ZSWIM4: variants seen among roughly 807,000 people sequenced by gnomAD.
ZSWIM4 encodes the protein zinc finger SWIM domain-containing protein 4.
In ZSWIM4, 62 loss-of-function variants were observed where a neutral mutation model predicts 102.5. That is an observed-to-expected ratio of 0.60 (90% CI 0.49 to 0.75). The LOEUF (loss-of-function observed/expected upper bound fraction) is 0.75, where lower values mean the gene tolerates loss of function less well. Among genes scored for constraint, ZSWIM4 ranks in the 30% least tolerant of loss-of-function variants. The pLI is 0.00. For missense variants in ZSWIM4, 1,280 were observed against 1,529.6 expected (o/e 0.84, Z 2.72); for synonymous variants, 652 against 674.5 (o/e 0.97, Z 0.52).
At chr19:13,813,517 G>C (rs967159835) in intron 6 of ZSWIM4, among the ~76,000 whole-genome samples, 36 of 151,912 alleles carry the variant, frequency 2.4e-4, no homozygotes, top group African/African-American at 8.5e-4. Flanking sequence ...ATTGAGGAGA[G>C]AGAAACAAGT....
Position 13,825,848 on chromosome 19 carries a change from C to G in ZSWIM4, c.2379+135C>G. On this transcript the variant is annotated intron_variant, in intron 12 of 13. Transcript: ENST00000590508. This position sits in a 1 kb window ranked among gnomAD's most constrained non-coding sequence, Gnocchi z 4.6. The stretch of plus-strand genomic sequence containing the variant: ...CCCGGCATTTGCGTGAGCTATTCCT[C>G]TGTGGCTGGGGACTGAGCGAGAACC... The G allele has an allele frequency of 8.1e-7, 1 of 1,240,262 alleles. No homozygotes were observed. Among genetic ancestry groups the G allele is most frequent in the South Asian group, 1.5e-5 (1 of 65,684 alleles). The allele number at this position is 1,240,262 out of a possible 1,614,324, so 76.8% of individuals were successfully genotyped here.
intron 11 of ZSWIM4, among the ~76,000 whole-genome samples, chr19:13,824,111 A>G (rs1975541951): frequency 6.6e-6 from 1 of 151,580 alleles, no homozygotes; most frequent in African/African-American, 2.4e-5. Flanking sequence ...GGATAGAGAG[A>G]GAGGGAGAGA....
At position 13,814,610 on chromosome 19, in the gene ZSWIM4, T is replaced by C. The variant is rs2145322278; in HGVS notation, c.1276T>C (p.Tyr426His). The part of the protein sequence containing the change: ...LAGELHWNDA[Y>H]LQRILASDSY... ...TGGAGAGCTACACTGGAATGACGCC[T>C]ACCTGCAGAGGATCCTGGCCAGTGA... Residue 426 changes from tyrosine (Y) to histidine (H), a missense_variant, in exon 7 of 14, where the codon TAC (tyrosine) becomes CAC (histidine). Tyr to His is a moderately conservative substitution (Grantham distance 83, BLOSUM62 2). Transcript: ENST00000590508. 8.0e-7 allele frequency: 1 copy of C among 1,242,484 alleles called. No individual in the cohort carries two copies. Among genetic ancestry groups the C allele is most frequent in the Admixed American group, 2.5e-5 (1 of 40,320 alleles). 77.0% of individuals were successfully genotyped at this position (1,242,484 alleles called of 1,614,324 possible).
At chr19:13,808,787 A>T (rs761285983) in intron 3 of ZSWIM4, 49 bp from the exon 4 acceptor site, 83 of 1,506,842 alleles carry the variant, frequency 5.5e-5, no homozygotes, top group Non-Finnish European at 7.0e-5. Flanking sequence ...ACCCAACCCA[A>T]CCCCAACTCC....
chr19:13,807,570 A>AGATGGATGGATGGATGGATGGATG (rs56365536), intron 3 of ZSWIM4, among the ~76,000 whole-genome samples: 1 of 141,034 alleles, frequency 7.1e-6, no homozygotes, highest in Non-Finnish European at 1.5e-5. Flanking sequence ...GTTTTGGGCA[A>AGATGGATGGATGGATGGATGGATG]GATGGATGGA....
chr19:13,796,079 C>T (rs1239054260), intron 1 of ZSWIM4, among the ~76,000 whole-genome samples: 4 of 151,462 alleles, frequency 2.6e-5, no homozygotes, highest in Non-Finnish European at 4.4e-5. Context: ...CTCCTACCAA[C>T]CCCAGATCTC....
rs199644245 is a variant in ZSWIM4, at chr19:13,805,073, A to C, written c.637A>C (p.Thr213Pro). Residue 213 changes from threonine to proline, a missense_variant, in exon 3 of 14, where the codon ACT becomes CCT. Thr to Pro is a conservative substitution (Grantham distance 38). Transcript: ENST00000590508. Reference sequence around the variant, plus strand: ...GCAGTACCTCATCAGCGCCCATCACACTGAGGTGCTGCCCACTGCTCAGCG... The same window carrying C: ...GCAGTACCTCATCAGCGCCCATCACCCTGAGGTGCTGCCCACTGCTCAGCG... ...FVQYLISAHH[T>P]EVLPTAQRLA... 2.5e-5 allele frequency: 40 copies of C among 1,607,932 alleles called. No individual in the cohort carries two copies. The Admixed American group carries it at 5.7e-4, about 23-fold the overall frequency.
rs1172573879 is a variant in ZSWIM4 at position 13,815,950 on chromosome 19, TA to T, written c.1531+1098del. Among the ~76,000 whole-genome samples the T allele has an allele frequency of 6.8e-3, 513 of 75,128 alleles. 5 individuals are homozygous for T. The highest frequency in any genetic ancestry group is 0.042 in the Admixed American group (279 of 6,692). The allele number at this position is 75,128 out of a possible 152,430, so 49.3% of individuals were successfully genotyped here. On this transcript the variant is annotated intron_variant, in intron 7 of 13. Coordinates refer to ENST00000590508, the MANE Select transcript of ZSWIM4 (RefSeq NM_001367834.3). ...AGAGCGAGACTCCGTCTCAAAAAAT[TA>T]AAAAAAAAAAAAGAGAGAGAGAGGA...
At chr19:13,802,912 G>A (rs1234293689) in intron 2 of ZSWIM4, among the ~76,000 whole-genome samples, 1 of 152,116 alleles carries the variant, frequency 6.6e-6, no homozygotes, top group Non-Finnish European at 1.5e-5. Context: ...TGAAGGGTGG[G>A]CTCAGACCTC....
At chr19:13,800,065 A>ATTTTTCTTT in intron 2 of ZSWIM4, 144 bp downstream of exon 2, 1 of 383,226 alleles carries the variant, frequency 2.6e-6, no homozygotes. Context: ...ATTGTACAAG[A>ATTTTTCTTT]TTTTTTTTTT....
chr19:13,822,041 T>A (rs1032147647), intron 10 of ZSWIM4, among the ~76,000 whole-genome samples: 2 of 152,064 alleles, frequency 1.3e-5, no homozygotes, highest in Non-Finnish European at 2.9e-5. Flanking sequence ...CGGCCTAGTT[T>A]AAAAATTTTT....
chr19:13,809,262 G>C lies in ZSWIM4; in HGVS notation c.1012+42G>C, dbSNP rs370782130. The C allele has an allele frequency of 1.3e-6, 2 of 1,556,468 alleles. No homozygotes were observed. The highest frequency in any genetic ancestry group is 1.3e-5 in the African/African-American group (1 of 74,076). On this transcript the variant is annotated intron_variant, in intron 5 of 13. Coordinates refer to ENST00000590508, the MANE Select transcript of ZSWIM4 (RefSeq NM_001367834.3). The surrounding 1 kb of genome is among the most constrained non-coding windows in gnomAD (Gnocchi z 4.2). ...GGTGCGTGGTGGACACCGGGACTTC[G>C]GCTCCCATGGGGGCTGGCCCACTCC...
Position 13,825,535 on chromosome 19 carries a change from C to T in ZSWIM4, c.2216-15C>T. The T allele has an allele frequency of 6.2e-7, 1 of 1,612,474 alleles. No individual in the cohort carries two copies. The highest frequency in any genetic ancestry group is 8.5e-7 in the Non-Finnish European group (1 of 1,178,890). On this transcript the variant is annotated splice_polypyrimidine_tract_variant and intron_variant, in intron 11 of 13. Coordinates refer to ENST00000590508, the MANE Select transcript of ZSWIM4 (RefSeq NM_001367834.3). The surrounding 1 kb of genome is among the most constrained non-coding windows in gnomAD (Gnocchi z 4.6). ...GGTGTATCCGATGGTGTCCTCTGTC[C>T]CGCCCTTCACCCAGGAGACCCCAAG...
intron 10 of ZSWIM4, among the ~76,000 whole-genome samples, chr19:13,822,615 G>A (rs1975496625): frequency 6.6e-6 from 1 of 152,114 alleles, no homozygotes; most frequent in African/African-American, 2.4e-5. Flanking sequence ...GGCCAAGACG[G>A]GCGGATCACT....
At chr19:13,824,929 G>T (rs1030664590) in intron 11 of ZSWIM4, among the ~76,000 whole-genome samples, 4 of 151,996 alleles carry the variant, frequency 2.6e-5, no homozygotes, top group Non-Finnish European at 1.5e-5. Context: ...CTTGCTCAGG[G>T]TCACACAGCT....
At chr19:13,819,598 G>C (rs1159507545) in intron 10 of ZSWIM4, 106 bp downstream of exon 10, 48 of 1,345,510 alleles carry the variant, frequency 3.6e-5, no homozygotes, top group Non-Finnish European at 4.5e-5. Context: ...TCACAGCCTA[G>C]TTAATTCAGT....
At chr19:13,830,145 G>A in intron 13 of ZSWIM4, 46 bp from the exon 14 acceptor site, 2 of 1,576,552 alleles carry the variant, frequency 1.3e-6, no homozygotes, top group South Asian at 2.3e-5. Context: ...ATGTACGTGT[G>A]TCTGCCCCCG....
intron 3 of ZSWIM4, among the ~76,000 whole-genome samples, chr19:13,805,579 G>T (rs967386707): frequency 6.4e-4 from 97 of 151,988 alleles, no homozygotes; most frequent in African/African-American, 2.3e-3. Flanking sequence ...GGTTTGGGGG[G>T]CTCCGAGGGG....
At chr19:13,818,080 C>A (rs1177699524) in intron 9 of ZSWIM4, 104 bp downstream of exon 9, 4 of 1,416,012 alleles carry the variant, frequency 2.8e-6, no homozygotes, top group Non-Finnish European at 3.7e-6. Flanking sequence ...GCCCCAGCCC[C>A]GCCCCTAGCC....
Sources: gnomAD v4.1 joint callset for allele counts (sites outside exome capture counted in the v4.1 genomes callset) on GRCh38, gnomAD v4.1.1 for gene constraint, Gnocchi (gnomAD v3.1) non-coding constraint, MANE v1.5 for transcripts, NCBI Gene and HGNC (gene_info 2026-07-23, HGNC 2026-07-21) for gene names.